Variants in LINGO2 observed in about 807,000 individuals in gnomAD.
LINGO2 encodes leucine rich repeat and Ig domain containing 2.
In LINGO2, 14 loss-of-function variants were observed where a neutral mutation model predicts 30.6. The ratio of observed to expected loss-of-function variants is 0.46; its 90% CI spans 0.30 to 0.72. LINGO2 has a LOEUF of 0.72. LINGO2 is among the 30% of genes least tolerant of loss of function. The probability of loss-of-function intolerance (pLI) is 0.07; values close to 1 mark genes in which losing one functional copy is unlikely to be tolerated. For synonymous variants in LINGO2, 317 were observed against 288.5 expected, an observed-to-expected ratio of 1.10 and a Z score of -1.00; for missense variants, 729 against 751.7, an observed-to-expected ratio of 0.97 and a Z score of 0.35.
the LINGO2 span, among the ~76,000 whole-genome samples, chr9:28,772,079 GAATT>G: frequency 2.0e-5 from 3 of 152,102 alleles, no homozygotes; most frequent in Non-Finnish European, 2.9e-5. Flanking sequence ...ATGAGTAAAT[GAATT>G]ATTTTTCCCC....
At chr9:28,536,269 A>G (rs1043865643) in intron 1 of LINGO2, among the ~76,000 whole-genome samples, 2 of 151,938 alleles carry the variant, frequency 1.3e-5, no homozygotes, top group African/African-American at 4.8e-5. Flanking sequence ...AATTTCTTTT[A>G]CTCACTCTTT....
intron 4 of LINGO2, among the ~76,000 whole-genome samples, chr9:28,128,540 G>A (rs1280696275): frequency 1.3e-5 from 2 of 152,266 alleles, no homozygotes; most frequent in Non-Finnish European, 2.9e-5. Flanking sequence ...CATGATTTAA[G>A]GAGAAAATAT....
chr9:29,026,221 A>G, the LINGO2 span, among the ~76,000 whole-genome samples: 1 of 151,914 alleles, frequency 6.6e-6, no homozygotes, highest in Non-Finnish European at 1.5e-5. Flanking sequence ...TTCAGTAGAT[A>G]TGAGGTCTTG....
chr9:29,072,612 G>GATATATATATATAT, the LINGO2 span, among the ~76,000 whole-genome samples: 1 of 135,704 alleles, frequency 7.4e-6, no homozygotes, highest in Non-Finnish European at 1.6e-5. Context: ...GTCTCTCTTT[G>GATATATATATATAT]ATATATATAT....
the LINGO2 span, among the ~76,000 whole-genome samples, chr9:29,126,592 C>A: frequency 2.6e-5 from 4 of 151,894 alleles, no homozygotes; most frequent in Admixed American, 2.6e-4. Context: ...ATTTCTGTTG[C>A]AGGTATTTCT....
intron 1 of LINGO2, among the ~76,000 whole-genome samples, chr9:28,497,913 T>C (rs1288543693): frequency 3.3e-5 from 5 of 152,222 alleles, no homozygotes; most frequent in African/African-American, 1.2e-4. Flanking sequence ...TGGAGTTTGC[T>C]GGAGGTCCAT....
the LINGO2 span, among the ~76,000 whole-genome samples, chr9:28,858,278 C>A: frequency 6.6e-6 from 1 of 151,958 alleles, no homozygotes; most frequent in Admixed American, 6.6e-5. Context: ...TCTGACTTCA[C>A]AGATTCTGGT....
intron 4 of LINGO2, among the ~76,000 whole-genome samples, chr9:28,125,086 T>C (rs1419175500): frequency 2.0e-5 from 3 of 152,198 alleles, no homozygotes; most frequent in African/African-American, 4.8e-5. Flanking sequence ...TTCAGAACTC[T>C]GGAGCCAGAA....
chr9:28,002,855 G>A (rs975591468), intron 5 of LINGO2, among the ~76,000 whole-genome samples: 5 of 152,012 alleles, frequency 3.3e-5, no homozygotes, highest in East Asian at 1.9e-4. Context: ...TGTTAGCTGC[G>A]TTGGTGTGTT....
chr9:28,708,761 T>TTATCTATC, the LINGO2 span, among the ~76,000 whole-genome samples: 625 of 147,864 alleles, frequency 4.2e-3, 2 homozygotes, highest in South Asian at 0.025. Context: ...TTTAAACTAA[T>TTATCTATC]TATCTATCTA....
rs1825340366 is a variant in LINGO2, at chr9:28,329,390, C to T, written c.-245-34024G>A. Among the ~76,000 whole-genome samples, 1 of 152,122 alleles carries T rather than the reference C, an allele frequency of 6.6e-6. No homozygotes were observed. Among genetic ancestry groups the T allele is most frequent in the Non-Finnish European group, 1.5e-5 (1 of 68,026 alleles). On this transcript the variant is annotated intron_variant, in intron 3 of 5. Coordinates refer to ENST00000379992, the Ensembl canonical transcript of LINGO2. The surrounding 1 kb of genome is among the most constrained non-coding windows in gnomAD (Gnocchi z 4.5). ...TACTAAACCCCTTCTCTCCATATGGCTTAACTTGAGGGCTTGGGCTAATAA... is the reference window on the plus strand; with the variant it reads ...TACTAAACCCCTTCTCTCCATATGGTTTAACTTGAGGGCTTGGGCTAATAA...
chr9:28,596,363 C>T lies in LINGO2; in HGVS notation c.-365+73837G>A, dbSNP rs546181740. ...TTTGACCTGATTTTGAAAGTTGTTT[C>T]TTTTTTTATAACTGTAAATAAAATA... On this transcript the variant is annotated intron_variant, in intron 1 of 5. Coordinates refer to ENST00000379992, the Ensembl canonical transcript of LINGO2. 2.6e-5 allele frequency among the ~76,000 whole-genome samples: 4 copies of T among 152,130 alleles called. No individual in the cohort carries two copies. In the South Asian group the frequency reaches 6.2e-4, roughly 24 times the overall value.
At chr9:28,221,290 A>T (rs1820955002) in intron 4 of LINGO2, among the ~76,000 whole-genome samples, 1 of 113,440 alleles carries the variant, frequency 8.8e-6, no homozygotes, top group East Asian at 2.7e-4. Flanking sequence ...ACAGAGCCAG[A>T]CCCCGTCTAA....
At chr9:28,480,796 C>T (rs1825931787) in intron 1 of LINGO2, among the ~76,000 whole-genome samples, 1 of 151,754 alleles carries the variant, frequency 6.6e-6, no homozygotes, top group Non-Finnish European at 1.5e-5. Context: ...CCTTTTAGGC[C>T]CTGATTCCCT....
the LINGO2 span, among the ~76,000 whole-genome samples, chr9:29,049,992 T>C: frequency 6.6e-6 from 1 of 152,144 alleles, no homozygotes; most frequent in Non-Finnish European, 1.5e-5. Flanking sequence ...CTTTAGATGA[T>C]GGATATACCT....
At chr9:28,332,268 G>C (rs1825447930) in intron 3 of LINGO2, among the ~76,000 whole-genome samples, 2 of 151,726 alleles carry the variant, frequency 1.3e-5, no homozygotes. Flanking sequence ...GTTTCTATTA[G>C]GTTGATGTCA....
chr9:29,086,072 C>T, the LINGO2 span, among the ~76,000 whole-genome samples: 1 of 152,180 alleles, frequency 6.6e-6, no homozygotes, highest in African/African-American at 2.4e-5. Flanking sequence ...CATCTCACCT[C>T]CTCATTTCCT....
At chr9:28,679,467 A>T in the LINGO2 span, among the ~76,000 whole-genome samples, 3 of 152,020 alleles carry the variant, frequency 2.0e-5, no homozygotes, top group Non-Finnish European at 4.4e-5. Context: ...CCCAATCCTC[A>T]AAACGGAAAG....
chr9:28,275,118 G>A (rs940733187), intron 4 of LINGO2, among the ~76,000 whole-genome samples: 3 of 152,046 alleles, frequency 2.0e-5, no homozygotes, highest in Non-Finnish European at 4.4e-5. Context: ...GCCCAGGCTG[G>A]AGTGCAGTGG....
Sources: allele counts gnomAD v4.1 joint callset (sites outside exome capture counted in the v4.1 genomes callset), GRCh38; gene constraint gnomAD v4.1.1; non-coding constraint Gnocchi (gnomAD v3.1); transcripts MANE v1.5; gene names NCBI Gene and HGNC (gene_info 2026-07-23, HGNC 2026-07-21).